BLK: variants seen among roughly 807,000 people sequenced by gnomAD.
The protein encoded by BLK is tyrosine-protein kinase Blk.
A neutral mutation model predicts 61.8 loss-of-function variants in BLK; 64 were observed. The ratio of observed to expected loss-of-function variants is 1.03; its 90% confidence interval spans 0.85 to 1.27. BLK has a LOEUF of 1.27. Ranked by LOEUF, BLK falls within the 50% of genes most tolerant of loss-of-function variation. The pLI, the probability that BLK is intolerant of heterozygous loss-of-function variation, is 0.00. For synonymous variants in BLK, 351 were observed against 272.0 expected (o/e 1.29, Z -2.86); for missense variants, 853 against 660.5 (o/e 1.29, Z -3.19).
intron 1 of BLK, among the ~76,000 whole-genome samples, chr8:11,516,657 A>C (rs916490148): frequency 6.6e-6 from 1 of 152,108 alleles, no homozygotes; most frequent in Admixed American, 6.5e-5. Context: ...TACTTTAGGG[A>C]CTTCATTTAG....
At chr8:11,550,948 C>A (rs1800870179) in intron 6 of BLK, among the ~76,000 whole-genome samples, 1 of 152,162 alleles carries the variant, frequency 6.6e-6, no homozygotes, top group Admixed American at 6.5e-5. Context: ...TAATGACAGC[C>A]AAGAGAAAGA....
Position 11,563,886 on chromosome 8 carries a change from G to A in BLK, c.1313-17G>A, listed in dbSNP as rs752198491. The A allele has an allele frequency of 6.2e-7, 1 of 1,605,104 alleles. No individual in the cohort carries two copies. Among genetic ancestry groups the A allele is most frequent in the Non-Finnish European group, 8.5e-7 (1 of 1,177,772 alleles). On this transcript the variant is annotated splice_polypyrimidine_tract_variant and intron_variant, in intron 12 of 12. Coordinates refer to ENST00000259089, the MANE Select transcript of BLK (RefSeq NM_001715.3). ...ACCCCAGCCCCTCACCCCCGCTTGC[G>A]GTCTCCTCTGCCGCAGGGATGAGCA...
At position 11,523,203 on chromosome 8, in the gene BLK, A is replaced by T. The variant is rs555863934; in HGVS notation, c.-1-20021A>T. Among the ~76,000 whole-genome samples, 9 of 152,368 alleles carry T rather than the reference A, an allele frequency of 5.9e-5. No individual in the cohort carries two copies. The South Asian group carries it at 1.9e-3, about 32-fold the overall frequency. On this transcript the variant is annotated intron_variant, in intron 1 of 12. Coordinates refer to ENST00000259089, the MANE Select transcript of BLK (RefSeq NM_001715.3). ...AATAGGAAAGATTAATAAATTGACTAGGTAGAAATGATAGCTTTTACTGCA... is the reference window on the plus strand; with the variant it reads ...AATAGGAAAGATTAATAAATTGACTTGGTAGAAATGATAGCTTTTACTGCA...
chr8:11,545,759 A>G (rs1442144743), intron 2 of BLK: 5 of 476,476 alleles, frequency 1.0e-5, no homozygotes, highest in Non-Finnish European at 1.9e-5. Context: ...TAGAGCCAGG[A>G]TGTTAAGCCC....
At chr8:11,494,780 G>A (rs569068684) in intron 1 of BLK, among the ~76,000 whole-genome samples, 189 bp downstream of exon 1, 1 of 152,308 alleles carries the variant, frequency 6.6e-6, no homozygotes, top group African/African-American at 2.4e-5. Context: ...TTCCAGTTTT[G>A]AGAATTTTTA....
At chr8:11,523,686 T>C (rs1799541940) in intron 1 of BLK, among the ~76,000 whole-genome samples, 1 of 152,192 alleles carries the variant, frequency 6.6e-6, no homozygotes, top group African/African-American at 2.4e-5. Context: ...GACAAAATGA[T>C]AAATACCTTA....
intron 1 of BLK, among the ~76,000 whole-genome samples, chr8:11,533,519 G>C (rs78776088): frequency 6.6e-6 from 1 of 151,842 alleles, no homozygotes. Context: ...GAAAGACCAA[G>C]GGTTTGAAGT....
chr8:11,514,841 A>T (rs529097727), intron 1 of BLK, among the ~76,000 whole-genome samples: 19 of 152,284 alleles, frequency 1.2e-4, no homozygotes, highest in African/African-American at 1.7e-4. Flanking sequence ...TATCATATGC[A>T]GGAGCCCAAG....
intron 1 of BLK, among the ~76,000 whole-genome samples, chr8:11,514,983 T>A (rs1799165673): frequency 6.6e-6 from 1 of 152,120 alleles, no homozygotes; most frequent in African/African-American, 2.4e-5. Context: ...GGCACGCACA[T>A]GACTTTCACC....
At chr8:11,535,296 G>GAAAGAAAGAAAGAAAGAAAGAAAGAAAA (rs1563102481) in intron 1 of BLK, among the ~76,000 whole-genome samples, 8 of 143,470 alleles carry the variant, frequency 5.6e-5, no homozygotes, top group African/African-American at 2.0e-4. Context: ...AAGAAAGAAA[G>GAAAGAAAGAAAGAAAGAAAGAAAGAAAA]AAAGAAAGAA....
At chr8:11,544,118 C>T (rs913386953) in intron 2 of BLK, among the ~76,000 whole-genome samples, 6 of 152,134 alleles carry the variant, frequency 3.9e-5, no homozygotes, top group African/African-American at 1.4e-4. Context: ...ACACATGCCA[C>T]CACACCTGGC....
At chr8:11,537,648 A>G (rs149193391) in intron 1 of BLK, among the ~76,000 whole-genome samples, 1 of 152,194 alleles carries the variant, frequency 6.6e-6, no homozygotes. Flanking sequence ...CACCTTCAGC[A>G]TGACCTTACC....
chr8:11,545,865 G>A (rs1299814616), intron 2 of BLK, 187 bp from the exon 3 acceptor site: 1 of 705,282 alleles, frequency 1.4e-6, no homozygotes. Flanking sequence ...GAGGGCGGGG[G>A]TCTGTCTGAG....
chr8:11,517,456 C>A (rs989775134), intron 1 of BLK, among the ~76,000 whole-genome samples: 2 of 152,234 alleles, frequency 1.3e-5, no homozygotes, highest in African/African-American at 4.8e-5. Flanking sequence ...CTGACTTCTA[C>A]CAGCCACTTT....
chr8:11,547,848 C>T (rs1800714369), intron 3 of BLK, among the ~76,000 whole-genome samples, 184 bp from the exon 4 acceptor site: 1 of 152,108 alleles, frequency 6.6e-6, no homozygotes, highest in South Asian at 2.1e-4. Context: ...ACAGGATGGG[C>T]TCTGGGGGGC....
chr8:11,548,769 G>T (rs1000316816), intron 4 of BLK, among the ~76,000 whole-genome samples: 2 of 152,238 alleles, frequency 1.3e-5, no homozygotes, highest in African/African-American at 4.8e-5. Flanking sequence ...TTCATCAAGA[G>T]GAAGGCTGCT....
chr8:11,546,004 C>G (rs753844347), intron 2 of BLK, 48 bp from the exon 3 acceptor site: 1 of 1,598,724 alleles, frequency 6.3e-7, no homozygotes, highest in African/African-American at 1.3e-5. Flanking sequence ...CAGGCCCCAC[C>G]CACGCAGCAG....
chr8:11,543,263 G>T lies in BLK; in HGVS notation c.39G>T (p.Lys13Asn), dbSNP rs142129056. ...LVSSKKPDKEKPIKEKDKGQW... is the reference protein window; with the variant it reads ...LVSSKKPDKENPIKEKDKGQW... ...GTAGCAAAAAGCCGGACAAGGAAAA[G>T]CCGATCAAAGAGAAGGACAAGGGCC... The change falls in exon 2 of 13, where the codon AAG becomes AAT. Residue 13 changes from lysine (K) to asparagine (N), a missense_variant. Lys to Asn is a moderately conservative substitution (Grantham distance 94, BLOSUM62 0). Transcript: ENST00000259089. The T allele has an allele frequency of 1.2e-6, 2 of 1,613,910 alleles. No individual in the cohort carries two copies. The highest frequency in any genetic ancestry group is 3.3e-5 in the Admixed American group (2 of 60,004).
Position 11,510,649 on chromosome 8 carries a change from G to A in BLK, c.-2+16058G>A, listed in dbSNP as rs139481473. Among the ~76,000 whole-genome samples, 10 of 152,152 alleles carry A rather than the reference G, an allele frequency of 6.6e-5. No individual in the cohort carries two copies. The East Asian group carries it at 1.2e-3, about 18-fold the overall frequency. ...TCTCTTTCCCCCTTTCTGGGAATCC[G>A]AGATTGAAATGAAAGAAATCGAAAG... On this transcript the variant is annotated intron_variant, in intron 1 of 12. Coordinates refer to ENST00000259089, the MANE Select transcript of BLK (RefSeq NM_001715.3).
Sources: gnomAD v4.1 joint callset for allele counts (sites outside exome capture counted in the v4.1 genomes callset) on GRCh38, gnomAD v4.1.1 for gene constraint, MANE v1.5 for transcripts, NCBI Gene and HGNC (gene_info 2026-07-23, HGNC 2026-07-21) for gene names.